The following PDE11A variants were observed in gnomAD, a reference collection of about 807,000 sequenced individuals.
PDE11A encodes dual 3',5'-cyclic-AMP and -GMP phosphodiesterase 11A.
In PDE11A, 100 loss-of-function variants were observed where a neutral mutation model predicts 100.5. The ratio of observed to expected loss-of-function variants is 1.00; its 90% CI spans 0.85 to 1.18. The LOEUF (loss-of-function observed/expected upper bound fraction) is 1.18. Ranked by LOEUF, PDE11A falls within the 50% of genes most tolerant of loss-of-function variation. The pLI is 0.00. For synonymous variants in PDE11A, 381 were observed against 420.8 expected (o/e 0.91, Z 1.16); for missense variants, 1,141 against 1,152.6 (o/e 0.99, Z 0.15).
chr2:177,874,653 A>G (rs967621224), intron 5 of PDE11A, among the ~76,000 whole-genome samples: 2 of 152,236 alleles, frequency 1.3e-5, no homozygotes, highest in African/African-American at 4.8e-5. Context: ...CTTTTTTCCA[A>G]GCGGATGTTA....
intron 19 of PDE11A, among the ~76,000 whole-genome samples, chr2:177,637,443 TTCTA>T (rs750844355): frequency 6.6e-6 from 1 of 152,170 alleles, no homozygotes; most frequent in Non-Finnish European, 1.5e-5. Flanking sequence ...ATCTCTCCAA[TTCTA>T]TCTATCGCAC....
chr2:177,994,846 A>C (rs1166009527), intron 2 of PDE11A, among the ~76,000 whole-genome samples: 1 of 152,126 alleles, frequency 6.6e-6, no homozygotes, highest in African/African-American at 2.4e-5. Context: ...TTTCAAAAGC[A>C]TAAGGGGATA....
At chr2:177,734,129 T>C (rs1027704314) in intron 10 of PDE11A, among the ~76,000 whole-genome samples, 1 of 152,196 alleles carries the variant, frequency 6.6e-6, no homozygotes, top group Non-Finnish European at 1.5e-5. Context: ...TTCAATCCGT[T>C]TTTTATTATA....
intron 2 of PDE11A, among the ~76,000 whole-genome samples, chr2:177,913,597 C>A (rs140239884): frequency 6.6e-6 from 1 of 152,138 alleles, no homozygotes; most frequent in Non-Finnish European, 1.5e-5. Flanking sequence ...TGGCTACAGT[C>A]ACACAATATC....
chr2:178,081,952 A>T (rs894539881), intron 2 of PDE11A, among the ~76,000 whole-genome samples: 5 of 152,236 alleles, frequency 3.3e-5, no homozygotes, highest in African/African-American at 1.2e-4. Context: ...GGCTTTTCTC[A>T]TTTAGATTTC....
chr2:177,929,274 G>A (rs758461244), intron 2 of PDE11A, among the ~76,000 whole-genome samples: 1 of 152,180 alleles, frequency 6.6e-6, no homozygotes, highest in Admixed American at 6.5e-5. Flanking sequence ...TTCAAGAGGA[G>A]TTCACACTCT....
At chr2:177,633,540 A>C (rs1447125276) in intron 19 of PDE11A, among the ~76,000 whole-genome samples, 1 of 152,252 alleles carries the variant, frequency 6.6e-6, no homozygotes, top group East Asian at 1.9e-4. Context: ...GATATTTATC[A>C]CACTAAACAG....
chr2:177,922,245 T>A (rs1487991646), intron 2 of PDE11A, among the ~76,000 whole-genome samples: 1 of 152,092 alleles, frequency 6.6e-6, no homozygotes, highest in Non-Finnish European at 1.5e-5. Flanking sequence ...GATCTGTGTG[T>A]ATCCAACAGC....
At position 178,071,764 on chromosome 2, in the gene PDE11A, A is replaced by C; in HGVS notation, c.674T>G (p.Ile225Ser). 1.2e-6 allele frequency: 2 copies of C among 1,613,944 alleles called. No homozygotes were observed. Among genetic ancestry groups the C allele is most frequent in the Non-Finnish European group, 8.5e-7 (1 of 1,179,788 alleles). ...CACCATAAGGCAGACAAAGATGAGA[A>C]TCTTGTAGCTCAGGCTGGTGAGGTC... The part of the protein sequence containing the change: ...DLDLTSLSYK[I>S]LIFVCLMVDA... The change falls in exon 1 of 20, where the codon ATT (isoleucine) becomes AGT (serine). Residue 225 changes from isoleucine to serine, a missense_variant. Transcript: ENST00000286063.
At chr2:177,911,677 A>G (rs993020118) in intron 2 of PDE11A, among the ~76,000 whole-genome samples, 1 of 152,192 alleles carries the variant, frequency 6.6e-6, no homozygotes, top group African/African-American at 2.4e-5. Flanking sequence ...TAAGGTCAGG[A>G]GTTCCAGACT....
chr2:177,764,235 C>T (rs919846887), intron 10 of PDE11A, among the ~76,000 whole-genome samples: 9 of 152,136 alleles, frequency 5.9e-5, no homozygotes, highest in Admixed American at 3.3e-4. Context: ...TAATTTGTGG[C>T]CTAGTCATTA....
chr2:177,877,372 C>G, intron 4 of PDE11A, among the ~76,000 whole-genome samples: 1 of 123,198 alleles, frequency 8.1e-6, no homozygotes, highest in East Asian at 2.0e-4. Flanking sequence ...ACCATGTTGA[C>G]CAGGGTAGTC....
intron 2 of PDE11A, among the ~76,000 whole-genome samples, chr2:177,965,574 A>G (rs923715162): frequency 6.6e-6 from 1 of 152,190 alleles, no homozygotes; most frequent in Admixed American, 6.5e-5. Context: ...ATTCTTCTGC[A>G]TATGGTTAGC....
intron 2 of PDE11A, among the ~76,000 whole-genome samples, chr2:178,100,059 A>G (rs1221663983): frequency 6.6e-6 from 1 of 152,222 alleles, no homozygotes; most frequent in African/African-American, 2.4e-5. Context: ...TACCTAGGGC[A>G]GTCAAATTCA....
intron 5 of PDE11A, among the ~76,000 whole-genome samples, chr2:177,872,111 G>C (rs867543372): frequency 1.3e-5 from 2 of 152,092 alleles, no homozygotes; most frequent in African/African-American, 4.8e-5. Context: ...GACAGAGACT[G>C]CTTTTAATTT....
At chr2:178,002,809 T>C (rs1247530801) in intron 2 of PDE11A, among the ~76,000 whole-genome samples, 2 of 152,170 alleles carry the variant, frequency 1.3e-5, no homozygotes, top group African/African-American at 4.8e-5. Context: ...ATTTTAAAAA[T>C]GATTGAAGCT....
chr2:178,014,691 A>T (rs978410573), intron 1 of PDE11A, among the ~76,000 whole-genome samples: 1 of 152,188 alleles, frequency 6.6e-6, no homozygotes, highest in Non-Finnish European at 1.5e-5. Flanking sequence ...TTTAAGCCCA[A>T]CCGCAACACA....
chr2:177,931,144 G>A (rs1026956280), intron 2 of PDE11A, among the ~76,000 whole-genome samples: 11 of 150,448 alleles, frequency 7.3e-5, no homozygotes, highest in Non-Finnish European at 1.5e-4. Flanking sequence ...CAACAAGAGC[G>A]AAACTCCGTC....
chr2:178,035,739 AT>A (rs1319234246), intron 1 of PDE11A, among the ~76,000 whole-genome samples: 3 of 152,230 alleles, frequency 2.0e-5, no homozygotes, highest in Admixed American at 6.5e-5. Flanking sequence ...AAATCAATAA[AT>A]GTAATCCATC....
Sources: gnomAD v4.1 joint callset for allele counts (sites outside exome capture counted in the v4.1 genomes callset) on GRCh38, gnomAD v4.1.1 for gene constraint, MANE v1.5 for transcripts, NCBI Gene and HGNC (gene_info 2026-07-23, HGNC 2026-07-21) for gene names.